The following SLC25A48 variants were observed in gnomAD, a reference collection of about 807,000 sequenced individuals.
SLC25A48 encodes the protein solute carrier family 25 member 48.
In SLC25A48, 29 loss-of-function variants were observed where a neutral mutation model predicts 32.2. The observed-to-expected ratio is 0.90, with a 90% CI of 0.67 to 1.23. The LOEUF is 1.23. SLC25A48 is among the 50% of genes most tolerant of loss of function. The probability of loss-of-function intolerance (pLI) is 0.00; values close to 1 mark genes in which losing one functional copy is unlikely to be tolerated. For synonymous variants in SLC25A48, 164 were observed against 172.3 expected (o/e 0.95, Z 0.38); for missense variants, 399 against 422.7 (o/e 0.94, Z 0.49).
chr5:135,646,676 T>TATATATATATATATATATATATATATAC (rs1561773171), intron 3 of SLC25A48, among the ~76,000 whole-genome samples: 14 of 131,988 alleles, frequency 1.1e-4, no homozygotes, highest in Non-Finnish European at 2.3e-4. Flanking sequence ...TATATATATA[T>TATATATATATATATATATATATATATAC]ATACAATGGG....
chr5:135,656,337 C>T (rs1753247507), intron 3 of SLC25A48, among the ~76,000 whole-genome samples: 1 of 152,186 alleles, frequency 6.6e-6, no homozygotes, highest in Non-Finnish European at 1.5e-5. Flanking sequence ...CAATCTGACA[C>T]AGTCTGGCTA....
At chr5:135,787,742 G>A (rs1756885137) in intron 3 of SLC25A48, among the ~76,000 whole-genome samples, 1 of 151,644 alleles carries the variant, frequency 6.6e-6, no homozygotes, top group Non-Finnish European at 1.5e-5. Context: ...TACTCCTAAT[G>A]TCACAGGAGG....
chr5:135,737,889 A>G (rs1755413162), intron 3 of SLC25A48, among the ~76,000 whole-genome samples: 2 of 152,168 alleles, frequency 1.3e-5, no homozygotes, highest in South Asian at 4.2e-4. Context: ...TGTGCATGGG[A>G]AAATGCCATC....
At chr5:135,715,259 C>T (rs1754766251) in intron 3 of SLC25A48, among the ~76,000 whole-genome samples, 1 of 152,204 alleles carries the variant, frequency 6.6e-6, no homozygotes. Flanking sequence ...GCTGGGGTTT[C>T]TGGTGCAGAA....
intron 1 of SLC25A48, among the ~76,000 whole-genome samples, chr5:135,837,140 C>G (rs2126684402): frequency 6.6e-6 from 1 of 152,188 alleles, no homozygotes; most frequent in East Asian, 1.9e-4. Flanking sequence ...AAGGCTGGAT[C>G]TAAGCCTGCC....
intron 4 of SLC25A48, among the ~76,000 whole-genome samples, chr5:135,863,529 CAG>C (rs1298879770): frequency 6.6e-6 from 1 of 152,164 alleles, no homozygotes; most frequent in Non-Finnish European, 1.5e-5. Context: ...TGGGAAGAAG[CAG>C]AGAGTTACAG....
rs1205726130 is a variant in SLC25A48 at position 135,650,461 on chromosome 5, C to A, written c.-521+15505C>A. 14 of 455,828 alleles carry A rather than the reference C, an allele frequency of 3.1e-5. No individual in the cohort carries two copies. The Admixed American group carries it at 3.3e-4, about 11-fold the overall frequency. 28.2% of individuals were successfully genotyped at this position (455,828 alleles called of 1,614,324 possible). On this transcript the variant is annotated intron_variant, in intron 3 of 10. Coordinates refer to the SLC25A48 transcript ENST00000646290. Reference sequence around the variant, plus strand: ...TCCAGACACAGTGAGTTCCCAGGAACCAGCCGGGTTCATCAGGAGGGTGCT... The same window carrying A: ...TCCAGACACAGTGAGTTCCCAGGAAACAGCCGGGTTCATCAGGAGGGTGCT...
intron 3 of SLC25A48, among the ~76,000 whole-genome samples, chr5:135,637,319 A>G (rs1394059340): frequency 1.3e-5 from 2 of 152,270 alleles, no homozygotes; most frequent in East Asian, 3.9e-4. Flanking sequence ...TCCAGATTAA[A>G]TCAACTAATT....
intron 4 of SLC25A48, among the ~76,000 whole-genome samples, chr5:135,862,925 C>A (rs1350737374): frequency 6.6e-6 from 1 of 152,084 alleles, no homozygotes; most frequent in African/African-American, 2.4e-5. Flanking sequence ...CAGTGAAGCA[C>A]TTTGGACACC....
chr5:135,658,442 C>T (rs969564200), intron 3 of SLC25A48, among the ~76,000 whole-genome samples: 12 of 152,196 alleles, frequency 7.9e-5, no homozygotes, highest in Non-Finnish European at 1.8e-4. Context: ...CAGGGTATAG[C>T]CCTCTCAACT....
chr5:135,864,713 G>T (rs1346312872), intron 4 of SLC25A48, among the ~76,000 whole-genome samples: 1 of 152,216 alleles, frequency 6.6e-6, no homozygotes, highest in African/African-American at 2.4e-5. Flanking sequence ...TGAACAGTTT[G>T]TCCTTTTCAA....
intron 3 of SLC25A48, among the ~76,000 whole-genome samples, chr5:135,851,878 C>A (rs1475136345): frequency 1.3e-5 from 2 of 152,118 alleles, no homozygotes; most frequent in African/African-American, 4.8e-5. Flanking sequence ...CCTCAGCCTC[C>A]TGCAGCCTGT....
chr5:135,816,098 G>A (rs982742240), intron 4 of SLC25A48, among the ~76,000 whole-genome samples: 5 of 152,094 alleles, frequency 3.3e-5, no homozygotes, highest in African/African-American at 1.2e-4. Context: ...GAGCGTGCAG[G>A]GAAAGCTGCT....
At chr5:135,880,226 CTGGGG>C in intron 7 of SLC25A48, 129 bp downstream of exon 7, 3 of 1,328,726 alleles carry the variant, frequency 2.3e-6, no homozygotes, top group Non-Finnish European at 3.0e-6. Context: ...CTGTGGTAGG[CTGGGG>C]CTGCCACCCT....
intron 3 of SLC25A48, among the ~76,000 whole-genome samples, chr5:135,752,272 A>G (rs1755788656): frequency 6.6e-6 from 1 of 152,140 alleles, no homozygotes; most frequent in South Asian, 2.1e-4. Flanking sequence ...CAAACACATA[A>G]TTGATAAAAG....
Position 135,641,783 on chromosome 5 carries a change from C to G in SLC25A48, c.-521+6827C>G, listed in dbSNP as rs149908673. On this transcript the variant is annotated intron_variant, in intron 3 of 10. Coordinates refer to the SLC25A48 transcript ENST00000646290. ...TCTAGTCCATGTGCAGTATCTGTCT[C>G]TGGGGCTCTGTGGAAACAGGAATGC... 3.1e-3 allele frequency among the ~76,000 whole-genome samples: 469 copies of G among 152,306 alleles called. 4 individuals are homozygous for G. The highest frequency in any genetic ancestry group is 0.01 in the African/African-American group (426 of 41,578).
chr5:135,774,669 A>G (rs1459224634), intron 3 of SLC25A48, among the ~76,000 whole-genome samples: 2 of 151,704 alleles, frequency 1.3e-5, no homozygotes, highest in East Asian at 3.9e-4. Context: ...GTATTTTGGG[A>G]TATTGATCCT....
chr5:135,868,439 A>C (rs1761372018), intron 4 of SLC25A48, among the ~76,000 whole-genome samples: 2 of 152,228 alleles, frequency 1.3e-5, no homozygotes, highest in South Asian at 4.1e-4. Context: ...GGCATGCATG[A>C]AGATCAAATG....
At chr5:135,725,718 T>A (rs1489779407) in intron 3 of SLC25A48, among the ~76,000 whole-genome samples, 1 of 152,178 alleles carries the variant, frequency 6.6e-6, no homozygotes, top group Non-Finnish European at 1.5e-5. Context: ...CTGTTCTAAA[T>A]GTCATGCTCC....
Sources: allele counts gnomAD v4.1 joint callset (sites outside exome capture counted in the v4.1 genomes callset), GRCh38; gene constraint gnomAD v4.1.1; transcripts MANE v1.5; gene names NCBI Gene and HGNC (gene_info 2026-07-23, HGNC 2026-07-21).